Variants in ATP8A2 observed in about 807,000 individuals in gnomAD.
The protein encoded by ATP8A2 is phospholipid-transporting ATPase IB.
In ATP8A2, 100 loss-of-function variants were observed where a neutral mutation model predicts 165.6. That is an observed-to-expected ratio of 0.60 (90% CI 0.51 to 0.71). The LOEUF (loss-of-function observed/expected upper bound fraction) is 0.71. Among genes scored for constraint, ATP8A2 ranks in the 30% least tolerant of loss-of-function variants. ATP8A2 has a pLI of 0.00. For missense variants in ATP8A2, 1,227 were observed against 1,479.5 expected (o/e 0.83, Z 2.80); for synonymous variants, 543 against 548.8 (o/e 0.99, Z 0.15).
intron 35 of ATP8A2, among the ~76,000 whole-genome samples, chr13:25,981,288 G>A (rs1385643321): frequency 6.6e-6 from 1 of 152,200 alleles, no homozygotes; most frequent in East Asian, 1.9e-4. Flanking sequence ...CACTGTCTCT[G>A]AAATCAAAAT....
intron 33 of ATP8A2, among the ~76,000 whole-genome samples, chr13:25,927,939 A>T (rs1363675650): frequency 6.6e-6 from 1 of 152,200 alleles, no homozygotes; most frequent in Non-Finnish European, 1.5e-5. Flanking sequence ...AAAGCAGAAC[A>T]CCCACATTTG....
intron 24 of ATP8A2, among the ~76,000 whole-genome samples, chr13:25,617,582 A>G (rs888960883): frequency 6.6e-6 from 1 of 152,226 alleles, no homozygotes; most frequent in Admixed American, 6.5e-5. Context: ...GTACAGAAAC[A>G]AGGACTAGAT....
chr13:25,530,467 C>T (rs2037995420), intron 3 of ATP8A2, 95 bp from the exon 4 acceptor site: 2 of 730,224 alleles, frequency 2.7e-6, no homozygotes, highest in Middle Eastern at 2.3e-4. Flanking sequence ...AACAGAACTG[C>T]AAAAGTGTGA....
At chr13:25,692,015 A>G (rs1432945967) in intron 24 of ATP8A2, among the ~76,000 whole-genome samples, 1 of 152,156 alleles carries the variant, frequency 6.6e-6, no homozygotes, top group Non-Finnish European at 1.5e-5. Flanking sequence ...AGAATATGAA[A>G]GTGGCAGGGA....
chr13:25,516,729 T>G (rs1191906434), intron 2 of ATP8A2, among the ~76,000 whole-genome samples: 3 of 151,882 alleles, frequency 2.0e-5, no homozygotes, highest in Non-Finnish European at 1.5e-5. Flanking sequence ...CTTTTTTTTT[T>G]GTTTTTATAC....
chr13:25,484,969 A>G (rs1185653130), intron 2 of ATP8A2, among the ~76,000 whole-genome samples: 3 of 152,246 alleles, frequency 2.0e-5, no homozygotes, highest in Non-Finnish European at 4.4e-5. Flanking sequence ...TTAAAACAGT[A>G]AGGCCATTTG....
chr13:25,487,863 T>C (rs1250837747), intron 2 of ATP8A2, among the ~76,000 whole-genome samples: 1 of 152,006 alleles, frequency 6.6e-6, no homozygotes, highest in Non-Finnish European at 1.5e-5. Context: ...TTTTTTGTAA[T>C]AGCCTGAGTG....
intron 4 of ATP8A2, among the ~76,000 whole-genome samples, chr13:25,531,410 T>TTA (rs560018950): frequency 1.7e-5 from 1 of 58,956 alleles, no homozygotes; most frequent in Non-Finnish European, 4.4e-5. Flanking sequence ...ATATATATGA[T>TTA]TATATATATG....
intron 24 of ATP8A2, among the ~76,000 whole-genome samples, chr13:25,645,299 G>A (rs2041642737): frequency 6.6e-6 from 1 of 152,166 alleles, no homozygotes; most frequent in Admixed American, 6.5e-5. Context: ...GAATAGCACA[G>A]GAAAGACTGG....
intron 1 of ATP8A2, among the ~76,000 whole-genome samples, chr13:25,427,380 G>A (rs2034481091): frequency 6.6e-6 from 1 of 151,880 alleles, no homozygotes; most frequent in Non-Finnish European, 1.5e-5. Flanking sequence ...TCTACATTAT[G>A]GTGATTTGCA....
chr13:25,496,033 A>G (rs948471496), intron 2 of ATP8A2, among the ~76,000 whole-genome samples: 1 of 152,002 alleles, frequency 6.6e-6, no homozygotes, highest in African/African-American at 2.4e-5. Flanking sequence ...CCAACACTAG[A>G]TGTTCCCCGT....
chr13:25,590,950 C>CA (rs1318064911), intron 24 of ATP8A2, among the ~76,000 whole-genome samples: 2 of 152,018 alleles, frequency 1.3e-5, no homozygotes, highest in Non-Finnish European at 2.9e-5. Flanking sequence ...CATCTCGGTA[C>CA]ACCTCCTATC....
At chr13:25,812,247 T>C (rs1209995020) in intron 27 of ATP8A2, among the ~76,000 whole-genome samples, 1 of 151,392 alleles carries the variant, frequency 6.6e-6, no homozygotes, top group Non-Finnish European at 1.5e-5. Context: ...AGATGTACCA[T>C]TATAGTATGT....
At chr13:25,748,441 A>C (rs751554948) in intron 25 of ATP8A2, among the ~76,000 whole-genome samples, 1 of 152,200 alleles carries the variant, frequency 6.6e-6, no homozygotes, top group Non-Finnish European at 1.5e-5. Context: ...ATTGAATGAC[A>C]TGTTATGACA....
At chr13:25,872,224 C>G (rs667003) in intron 33 of ATP8A2, among the ~76,000 whole-genome samples, 1,694 of 152,144 alleles carry the variant, frequency 0.011, 27 homozygotes, top group African/African-American at 0.039. Flanking sequence ...CACCTAGAGA[C>G]AGTTCAAGGA....
chr13:25,950,171 C>T (rs768835568), intron 33 of ATP8A2, among the ~76,000 whole-genome samples: 1 of 152,138 alleles, frequency 6.6e-6, no homozygotes, highest in Non-Finnish European at 1.5e-5. Context: ...AAATAAAAGT[C>T]GCGTATCTCA....
intron 22 of ATP8A2, among the ~76,000 whole-genome samples, chr13:25,581,090 G>A (rs1040975522): frequency 2.6e-5 from 4 of 152,164 alleles, no homozygotes; most frequent in African/African-American, 9.7e-5. Context: ...GATTAAATAG[G>A]TGATGTGCCT....
chr13:25,958,220 C>T lies in ATP8A2; in HGVS notation c.3184-3355C>T, dbSNP rs1017786191. Among the ~76,000 whole-genome samples the T allele has an allele frequency of 2.0e-5, 3 of 151,604 alleles. No homozygotes were observed. The South Asian group carries it at 6.3e-4, about 32-fold the overall frequency. On this transcript the variant is annotated intron_variant, in intron 33 of 36. Transcript: ENST00000381655. ...GTAGGTGATGGGTTGATGGGTGCAG[C>T]AAACCACCATGGCACGTGTATACCT...
chr13:25,738,257 A>C (rs1227909336), intron 25 of ATP8A2, among the ~76,000 whole-genome samples: 1 of 152,088 alleles, frequency 6.6e-6, no homozygotes, highest in Non-Finnish European at 1.5e-5. Context: ...ACTGATGGCA[A>C]ATTCTGGAAC....
Sources: gnomAD v4.1 joint callset for allele counts (sites outside exome capture counted in the v4.1 genomes callset) on GRCh38, gnomAD v4.1.1 for gene constraint, MANE v1.5 for transcripts, NCBI Gene and HGNC (gene_info 2026-07-23, HGNC 2026-07-21) for gene names.